ABTB3: variants seen among roughly 807,000 people sequenced by gnomAD.
The protein encoded by ABTB3 is ankyrin repeat and BTB domain containing 3, also known as ankyrin repeat- and BTB/POZ domain-containing protein 3.
chr12:107,346,986 A>G, the ABTB3 span, among the ~76,000 whole-genome samples: 1 of 152,208 alleles, frequency 6.6e-6, no homozygotes, highest in South Asian at 2.1e-4. Flanking sequence ...TGTTATAACC[A>G]ACAGTATTCT....
the ABTB3 span, among the ~76,000 whole-genome samples, chr12:107,426,242 T>C: frequency 7.2e-5 from 11 of 152,254 alleles, no homozygotes; most frequent in African/African-American, 1.7e-4. Context: ...GCTGGCCCCA[T>C]TGTGTCTAGG....
At chr12:107,606,803 C>T in the ABTB3 span, among the ~76,000 whole-genome samples, 4 of 152,172 alleles carry the variant, frequency 2.6e-5, no homozygotes, top group Non-Finnish European at 5.9e-5. Flanking sequence ...TCTGATACCT[C>T]CCTGAGATTT....
At chr12:107,457,792 C>T in the ABTB3 span, among the ~76,000 whole-genome samples, 3 of 152,204 alleles carry the variant, frequency 2.0e-5, no homozygotes, top group African/African-American at 7.2e-5. Flanking sequence ...GCAGAACGGG[C>T]AAAGAGAGCC....
At chr12:107,578,562 T>G in the ABTB3 span, among the ~76,000 whole-genome samples, 1 of 151,984 alleles carries the variant, frequency 6.6e-6, no homozygotes, top group Non-Finnish European at 1.5e-5. Context: ...CTGGGGCCAC[T>G]GAGCAAAGGA....
the ABTB3 span, among the ~76,000 whole-genome samples, chr12:107,369,969 C>T: frequency 1.3e-5 from 2 of 152,106 alleles, no homozygotes; most frequent in African/African-American, 2.4e-5. Flanking sequence ...GAACTACTCC[C>T]TCAACCTCTC....
At chr12:107,509,579 T>G in the ABTB3 span, among the ~76,000 whole-genome samples, 12 of 152,160 alleles carry the variant, frequency 7.9e-5, no homozygotes, top group Admixed American at 6.5e-5. Flanking sequence ...ATAGCAGGAA[T>G]GGGGTCCCAC....
At chr12:107,367,724 C>T in the ABTB3 span, among the ~76,000 whole-genome samples, 53,063 of 151,818 alleles carry the variant, frequency 0.35, 9,656 homozygotes, top group South Asian at 0.42. Context: ...AGGGCAGTCT[C>T]GAACTCCTGA....
chr12:107,469,889 T>TCTTTCTTTCTTC, the ABTB3 span, among the ~76,000 whole-genome samples: 1 of 104,764 alleles, frequency 9.5e-6, no homozygotes, highest in Non-Finnish European at 1.9e-5. Flanking sequence ...TTTCTTTCTT[T>TCTTTCTTTCTTC]CTTTCTTTCT....
chr12:107,602,831 C>T, the ABTB3 span, among the ~76,000 whole-genome samples: 1 of 152,198 alleles, frequency 6.6e-6, no homozygotes, highest in Non-Finnish European at 1.5e-5. Context: ...GAAAGCAACG[C>T]CATCGCTTGC....
chr12:107,562,372 C>T, the ABTB3 span, among the ~76,000 whole-genome samples: 1 of 152,204 alleles, frequency 6.6e-6, no homozygotes, highest in Non-Finnish European at 1.5e-5. Flanking sequence ...AAGGAGACAG[C>T]ATTGGAGCAG....
chr12:107,589,740 C>G, the ABTB3 span, among the ~76,000 whole-genome samples: 1 of 152,246 alleles, frequency 6.6e-6, no homozygotes, highest in Non-Finnish European at 1.5e-5. Flanking sequence ...TTCCAGACAG[C>G]TGGCCTCCTC....
the ABTB3 span, among the ~76,000 whole-genome samples, chr12:107,517,035 A>G: frequency 1.3e-5 from 2 of 152,156 alleles, no homozygotes; most frequent in Admixed American, 6.5e-5. Flanking sequence ...TCCATCTGGA[A>G]TTAATTTTTG....
chr12:107,429,199 A>G, the ABTB3 span, among the ~76,000 whole-genome samples: 1 of 152,142 alleles, frequency 6.6e-6, no homozygotes, highest in South Asian at 2.1e-4. Context: ...TCTGCTTCTG[A>G]GTTGAGTCAG....
At chr12:107,525,324 C>CAA in the ABTB3 span, among the ~76,000 whole-genome samples, 216 of 34,884 alleles carry the variant, frequency 6.2e-3, 14 homozygotes, top group Non-Finnish European at 7.6e-3. Context: ...AAGATCCTGT[C>CAA]AAAAAAAAAA....
chr12:107,535,985 C>T, the ABTB3 span, among the ~76,000 whole-genome samples: 1 of 152,132 alleles, frequency 6.6e-6, no homozygotes, highest in Non-Finnish European at 1.5e-5. Flanking sequence ...TACTACTTGA[C>T]TTCAAAGTAT....
chr12:107,361,248 G>A, the ABTB3 span, among the ~76,000 whole-genome samples: 2 of 152,168 alleles, frequency 1.3e-5, no homozygotes, highest in African/African-American at 4.8e-5. Context: ...ACAACTTGAT[G>A]TATTATAGCA....
chr12:107,326,158 G>A, the ABTB3 span, among the ~76,000 whole-genome samples: 4 of 152,186 alleles, frequency 2.6e-5, no homozygotes, highest in Non-Finnish European at 4.4e-5. Flanking sequence ...ACCCATCTCC[G>A]CCTCCCAAAG....
chr12:107,369,721 T>G, the ABTB3 span, among the ~76,000 whole-genome samples: 5 of 146,376 alleles, frequency 3.4e-5, no homozygotes, highest in South Asian at 4.4e-4. Context: ...TTTTTTTTTT[T>G]TTTTTTTTTT....
At chr12:107,643,767 T>TTTTTTGGTTGAGAGAGAGAGAGAGGGTC in the ABTB3 span, among the ~76,000 whole-genome samples, 2 of 142,314 alleles carry the variant, frequency 1.4e-5, no homozygotes, top group African/African-American at 5.5e-5. Flanking sequence ...TTTTTTTTTT[T>TTTTTTGGTTGAGAGAGAGAGAGAGGGTC]TTTGTTGAGA....
Sources: gnomAD v4.1 joint callset for allele counts (sites outside exome capture counted in the v4.1 genomes callset) on GRCh38, gnomAD v4.1.1 for gene constraint, MANE v1.5 for transcripts, NCBI Gene and HGNC (gene_info 2026-07-23, HGNC 2026-07-21) for gene names.